DST: variants seen among roughly 807,000 people sequenced by gnomAD.
The protein encoded by DST is dystonin.
DST carries 253 observed loss-of-function variants against 875.2 expected under a neutral mutation model. The ratio of observed to expected loss-of-function variants is 0.29; its 90% CI spans 0.26 to 0.32. The LOEUF (loss-of-function observed/expected upper bound fraction) is 0.32. Ranked by LOEUF, DST falls within the 10% of genes least tolerant of loss-of-function variation. The pLI, the probability that DST is intolerant of heterozygous loss-of-function variation, is 1.00. For missense variants in DST, 8,287 were observed against 9,111.6 expected, an observed-to-expected ratio of 0.91 and a Z score of 3.68; for synonymous variants, 3,124 against 3,197.1, an observed-to-expected ratio of 0.98 and a Z score of 0.77.
chr6:56,746,498 C>A (rs1474608466), intron 4 of DST, among the ~76,000 whole-genome samples: 1 of 151,920 alleles, frequency 6.6e-6, no homozygotes, highest in Non-Finnish European at 1.5e-5. Flanking sequence ...TTCACCTATC[C>A]TATAAAATTT....
At chr6:56,500,902 A>G (rs1354835367) in intron 80 of DST, among the ~76,000 whole-genome samples, 178 bp downstream of exon 80, 1 of 152,186 alleles carries the variant, frequency 6.6e-6, no homozygotes, top group Non-Finnish European at 1.5e-5. Flanking sequence ...TAATCTTTTA[A>G]GAAAAACATT....
At chr6:56,618,684 G>T (rs2098654999) in intron 36 of DST, 1 of 1,613,720 alleles carries the variant, frequency 6.2e-7, no homozygotes, top group Non-Finnish European at 8.5e-7. Flanking sequence ...GAGTTTTCTT[G>T]TTGAAGAGAC....
intron 9 of DST, among the ~76,000 whole-genome samples, chr6:56,691,609 T>A (rs2099230126): frequency 6.6e-6 from 1 of 152,066 alleles, no homozygotes; most frequent in South Asian, 2.1e-4. Flanking sequence ...CATGTAGAGG[T>A]TATGTGGATA....
In DST at chr6:56,604,971, T is replaced by C. The variant is rs767619053; in HGVS notation, c.9657A>G (p.Gln3219=). Residue 3219 remains glutamine, a synonymous_variant, in exon 40 of 104, where the codon CAA becomes CAG. Transcript: ENST00000680361. Reference sequence around the variant, plus strand: ...TCTCTTTTGTATTATTAACTCCTAATTGTAAATGTTCTTTCATGGGAGGGG... The same window carrying C: ...TCTCTTTTGTATTATTAACTCCTAACTGTAAATGTTCTTTCATGGGAGGGG... ...ITAPPMKEHL[Q]LGVNNTKEKS... 36 of 1,612,804 alleles carry C rather than the reference T, an allele frequency of 2.2e-5. No individual in the cohort carries two copies. Among genetic ancestry groups the C allele is most frequent in the Non-Finnish European group, 2.7e-5 (32 of 1,179,276 alleles).
At chr6:56,472,297 T>C in intron 93 of DST, 75 bp from the exon 94 acceptor site, 1 of 1,402,534 alleles carries the variant, frequency 7.1e-7, no homozygotes, top group South Asian at 1.3e-5. Flanking sequence ...CCTTTTTTGC[T>C]TCTAGCTAAG....
chr6:56,904,922 T>G (rs1795719264), intron 2 of DST, among the ~76,000 whole-genome samples: 1 of 152,176 alleles, frequency 6.6e-6, no homozygotes, highest in Non-Finnish European at 1.5e-5. Context: ...CCTGAGTAGC[T>G]GGGATTACAA....
intron 63 of DST, 78 bp from the exon 64 acceptor site, chr6:56,532,588 T>A: frequency 7.4e-7 from 1 of 1,360,452 alleles, no homozygotes; most frequent in Non-Finnish European, 1.0e-6. Context: ...CTAAGTACAT[T>A]TGAAGTATGA....
intron 4 of DST, among the ~76,000 whole-genome samples, chr6:56,777,668 T>C (rs1402599709): frequency 6.6e-6 from 1 of 151,940 alleles, no homozygotes; most frequent in Non-Finnish European, 1.5e-5. Context: ...TCATATGAAG[T>C]GAATCATTAG....
At chr6:56,865,154 G>C (rs1773294359) in intron 3 of DST, among the ~76,000 whole-genome samples, 1 of 152,130 alleles carries the variant, frequency 6.6e-6, no homozygotes, top group Non-Finnish European at 1.5e-5. Flanking sequence ...AGTCAAATGA[G>C]TCTGTCCTAA....
At chr6:56,860,144 C>T (rs1186848917) in intron 3 of DST, among the ~76,000 whole-genome samples, 2 of 152,098 alleles carry the variant, frequency 1.3e-5, no homozygotes, top group Non-Finnish European at 2.9e-5. Context: ...AAAGAAAGGA[C>T]ACGTAAAGGA....
At chr6:56,631,852 G>C (rs764842262) in intron 29 of DST, 31 bp downstream of exon 29, 13 of 1,608,164 alleles carry the variant, frequency 8.1e-6, no homozygotes, top group African/African-American at 1.3e-5. Context: ...AAGAGAGTTA[G>C]TTTTTTTCCC....
intron 5 of DST, among the ~76,000 whole-genome samples, chr6:56,709,772 A>T (rs2099355499): frequency 6.6e-6 from 1 of 152,226 alleles, no homozygotes; most frequent in Non-Finnish European, 1.5e-5. Flanking sequence ...TGCAGTATAA[A>T]ATAAATGCAT....
At chr6:56,936,990 T>A (rs1813331312) in intron 2 of DST, among the ~76,000 whole-genome samples, 1 of 151,562 alleles carries the variant, frequency 6.6e-6, no homozygotes, top group Admixed American at 6.6e-5. Context: ...CAAATATTTT[T>A]AAAAAACTAA....
At chr6:56,555,975 T>C in intron 59 of DST, 135 bp from the exon 60 acceptor site, 1 of 876,504 alleles carries the variant, frequency 1.1e-6, no homozygotes, top group East Asian at 2.8e-5. Flanking sequence ...TCCTACTTTT[T>C]ACTTAAAGGG....
intron 2 of DST, among the ~76,000 whole-genome samples, chr6:56,952,279 T>G (rs1822750983): frequency 6.6e-6 from 1 of 152,220 alleles, no homozygotes; most frequent in Non-Finnish European, 1.5e-5. Flanking sequence ...TGTTTGTGCT[T>G]TAGCTGAAAT....
chr6:56,800,653 A>G (rs1340238622), intron 4 of DST, among the ~76,000 whole-genome samples: 2 of 152,190 alleles, frequency 1.3e-5, no homozygotes, highest in Non-Finnish European at 2.9e-5. Flanking sequence ...AAGCATTTTC[A>G]GAGGTGTTAA....
chr6:56,542,816 C>G (rs2097157149), intron 61 of DST: 1 of 152,082 alleles, frequency 6.6e-6, no homozygotes. Context: ...TCTGCTGCGT[C>G]TCTGGGCCTG....
At chr6:56,498,127 C>G in intron 80 of DST, 74 bp from the exon 81 acceptor site, 1 of 1,414,804 alleles carries the variant, frequency 7.1e-7, no homozygotes, top group South Asian at 1.3e-5. Context: ...AATTGTTTTC[C>G]TTTCTGGTTA....
At chr6:56,656,575 A>G (rs952359838) in intron 10 of DST, among the ~76,000 whole-genome samples, 9 of 152,236 alleles carry the variant, frequency 5.9e-5, no homozygotes, top group African/African-American at 1.9e-4. Flanking sequence ...CTGAATTTAC[A>G]GATGGAAAAA....
Sources: allele counts gnomAD v4.1 joint callset (sites outside exome capture counted in the v4.1 genomes callset), GRCh38; gene constraint gnomAD v4.1.1; transcripts MANE v1.5; gene names NCBI Gene and HGNC (gene_info 2026-07-23, HGNC 2026-07-21).